Variants in LSM4 observed in about 807,000 individuals in gnomAD.
LSM4 encodes LSM4 homolog, U6 small nuclear RNA and mRNA degradation associated, also known as U6 snRNA-associated Sm-like protein LSm4.
LSM4 carries 15 observed loss-of-function variants against 22.3 expected under a neutral mutation model. That is an observed-to-expected ratio of 0.67 (90% confidence interval 0.45 to 1.03). The LOEUF is 1.03. Ranked by LOEUF, LSM4 falls within the 50% of genes least tolerant of loss-of-function variation. The probability of loss-of-function intolerance (pLI) is 0.00; values close to 1 mark genes in which losing one functional copy is unlikely to be tolerated. For missense variants in LSM4, 127 were observed against 198.0 expected (o/e 0.64, Z 2.15); for synonymous variants, 90 against 79.8 (o/e 1.13, Z -0.68).
In LSM4 at chr19:18,309,733, T is replaced by C; in HGVS notation, c.273A>G (p.Gly91=). 2 of 1,612,870 alleles carry C rather than the reference T, an allele frequency of 1.2e-6. No individual in the cohort carries two copies. The highest frequency in any genetic ancestry group is 2.2e-5 in the South Asian group (2 of 91,028). The change falls in exon 4 of 5, where the codon GGA becomes GGG. Residue 91 remains glycine (G), a synonymous_variant. Coordinates refer to ENST00000593829, the MANE Select transcript of LSM4 (RefSeq NM_012321.5). ...EEVVAKGRGR[G]GLQQQKQQKG... is the part of the protein sequence containing the mutation. ...TCTGCTGCTTCTGCTGCTGCAGGCC[T>C]CCGCGGCCGCGGCCCTTGGCCACCA...
intron 2 of LSM4, among the ~76,000 whole-genome samples, chr19:18,314,512 C>G (rs1480242366): frequency 6.6e-6 from 1 of 150,564 alleles, no homozygotes; most frequent in Non-Finnish European, 1.5e-5. Flanking sequence ...GCTAGACTCC[C>G]TCTCAAAAAA....
Position 18,314,549 on chromosome 19 carries a change from G to A in LSM4, c.45+1475C>T, listed in dbSNP as rs565100007. ...AAAAAGTGGTAAGTATCCGCTCCAC[G>A]GAGTATCGTCTGGCTATAAGGAATG... On this transcript the variant is annotated intron_variant, in intron 2 of 4. Transcript: ENST00000593829. Among the ~76,000 whole-genome samples, 30 of 152,020 alleles carry A rather than the reference G, an allele frequency of 2.0e-4. 2 individuals carry two copies. Among genetic ancestry groups the A allele is most frequent in the African/African-American group, 6.0e-4 (25 of 41,488 alleles).
chr19:18,317,082 G>A (rs1293537930), intron 1 of LSM4, among the ~76,000 whole-genome samples: 2 of 151,890 alleles, frequency 1.3e-5, no homozygotes, highest in African/African-American at 2.4e-5. Flanking sequence ...GTGCAGTGGT[G>A]TGATCTTGGC....
At chr19:18,311,375 C>T (rs763159880) in intron 3 of LSM4, among the ~76,000 whole-genome samples, 22 of 152,142 alleles carry the variant, frequency 1.4e-4, no homozygotes, top group Non-Finnish European at 2.4e-4. Flanking sequence ...CCACATGTGA[C>T]GGCAGCATCA....
chr19:18,322,691 C>T (rs1970437401), intron 1 of LSM4, among the ~76,000 whole-genome samples: 1 of 152,098 alleles, frequency 6.6e-6, no homozygotes, highest in African/African-American at 2.4e-5. Context: ...CCCTTCCCTG[C>T]CCAAAAACTC....
At chr19:18,310,502 G>C (rs1360672808) in intron 3 of LSM4, among the ~76,000 whole-genome samples, 1 of 152,198 alleles carries the variant, frequency 6.6e-6, no homozygotes, top group Non-Finnish European at 1.5e-5. Context: ...AGTTTTAGGA[G>C]AGCTAACCAA....
intron 1 of LSM4, among the ~76,000 whole-genome samples, chr19:18,317,029 G>C (rs1433547599): frequency 6.6e-6 from 1 of 152,038 alleles, no homozygotes; most frequent in Non-Finnish European, 1.5e-5. Context: ...TGAGGCAGGA[G>C]GATTGCTTGA....
At chr19:18,320,772 G>T (rs1275455893) in intron 1 of LSM4, among the ~76,000 whole-genome samples, 1 of 152,018 alleles carries the variant, frequency 6.6e-6, no homozygotes, top group Non-Finnish European at 1.5e-5. Context: ...CTTCAGCCTG[G>T]GCGACAGAAC....
chr19:18,308,231 G>A (rs1407602971), intron 4 of LSM4, among the ~76,000 whole-genome samples: 2 of 152,104 alleles, frequency 1.3e-5, no homozygotes, highest in Non-Finnish European at 2.9e-5. Flanking sequence ...CAGTAATCCT[G>A]AGCAGGCTGC....
At chr19:18,320,531 G>A (rs1258568596) in intron 1 of LSM4, among the ~76,000 whole-genome samples, 1 of 152,152 alleles carries the variant, frequency 6.6e-6, no homozygotes, top group African/African-American at 2.4e-5. Context: ...GAGTGCAGTG[G>A]CTCACGCCTG....
chr19:18,310,058 C>T, intron 3 of LSM4, 197 bp from the exon 4 acceptor site: 2 of 569,388 alleles, frequency 3.5e-6, no homozygotes, highest in Middle Eastern at 4.5e-4. Flanking sequence ...GGCAATCCTT[C>T]ACCCAGGAGC....
intron 3 of LSM4, among the ~76,000 whole-genome samples, chr19:18,310,639 C>T (rs549532823): frequency 1.3e-5 from 2 of 152,286 alleles, no homozygotes; most frequent in East Asian, 1.9e-4. Flanking sequence ...TTCCCAGCCC[C>T]GCCCCACCGC....
Position 18,312,587 on chromosome 19 carries a change from G to A in LSM4, c.144+17C>T. On this transcript the variant is annotated intron_variant, in intron 3 of 4. Coordinates refer to ENST00000593829, the MANE Select transcript of LSM4 (RefSeq NM_012321.5). Reference sequence around the variant, plus strand: ...CACCCCCTGCATCCCACCCCCGTTGGTGGGTGCAGCACCCACCCTGGACGT... The same window carrying A: ...CACCCCCTGCATCCCACCCCCGTTGATGGGTGCAGCACCCACCCTGGACGT... 6.2e-7 allele frequency: 1 copy of A among 1,609,188 alleles called. No homozygotes were observed. The highest frequency in any genetic ancestry group is 1.1e-5 in the South Asian group (1 of 90,988).
chr19:18,310,651 C>T (rs1049471035), intron 3 of LSM4, among the ~76,000 whole-genome samples: 1 of 152,202 alleles, frequency 6.6e-6, no homozygotes, highest in Non-Finnish European at 1.5e-5. Flanking sequence ...CCCCACCGCC[C>T]AGGTTCCTGG....
intron 2 of LSM4, among the ~76,000 whole-genome samples, chr19:18,315,103 T>C (rs1241003189): frequency 6.6e-6 from 1 of 151,926 alleles, no homozygotes; most frequent in African/African-American, 2.4e-5. Context: ...GCCAGGATGG[T>C]CTCGATCTCC....
intron 2 of LSM4, among the ~76,000 whole-genome samples, chr19:18,313,700 T>C (rs1013698269): frequency 2.1e-4 from 32 of 152,068 alleles, no homozygotes; most frequent in African/African-American, 7.7e-4. Flanking sequence ...TTTCCTTTTG[T>C]AGAAGTGGGG....
At position 18,307,426 on chromosome 19, in the gene LSM4, TG is replaced by T; in HGVS notation, c.*37del. The T allele has an allele frequency of 1.4e-6, 2 of 1,464,828 alleles. No homozygotes were observed. Among genetic ancestry groups the T allele is most frequent in the Non-Finnish European group, 1.8e-6 (2 of 1,104,302 alleles). The allele number at this position is 1,464,828 out of a possible 1,614,324, so 90.7% of individuals were successfully genotyped here. On this transcript the variant is annotated 3_prime_UTR_variant, in exon 5 of 5. Transcript: ENST00000593829. ...AGACTGTGGAGCGGAATCGCCACCC[TG>T]GCAGGAGGGGGCGCAGCAGCCGGTC...
chr19:18,309,065 C>G (rs1366395203), intron 4 of LSM4, among the ~76,000 whole-genome samples: 1 of 152,130 alleles, frequency 6.6e-6, no homozygotes, highest in African/African-American at 2.4e-5. Flanking sequence ...CTATCCCTGC[C>G]CCTCCCTCGG....
At chr19:18,312,562 C>T (rs1282161349) in intron 3 of LSM4, 42 bp downstream of exon 3, 1 of 1,533,090 alleles carries the variant, frequency 6.5e-7, no homozygotes, top group Non-Finnish European at 9.0e-7. Flanking sequence ...GCTGAGTGTG[C>T]ACCCCCTGCA....
Sources: gnomAD v4.1 joint callset for allele counts (sites outside exome capture counted in the v4.1 genomes callset) on GRCh38, gnomAD v4.1.1 for gene constraint, MANE v1.5 for transcripts, NCBI Gene and HGNC (gene_info 2026-07-23, HGNC 2026-07-21) for gene names.